Variants in SQOR observed in about 807,000 individuals in gnomAD.
SQOR encodes sulfide quinone oxidoreductase.
Under a neutral mutation model 48.6 loss-of-function variants are expected in SQOR, and 39 were observed. That is an observed-to-expected ratio of 0.80 (90% CI 0.62 to 1.05). SQOR has a LOEUF of 1.05. Among genes scored for constraint, SQOR ranks in the 50% least tolerant of loss-of-function variants. The pLI is 0.00. For synonymous variants in SQOR, 220 were observed against 206.2 expected (o/e 1.07, Z -0.57); for missense variants, 561 against 559.9 (o/e 1.00, Z -0.02).
chr15:45,663,643 T>G (rs1889760357), intron 3 of SQOR, among the ~76,000 whole-genome samples: 1 of 152,114 alleles, frequency 6.6e-6, no homozygotes, highest in Non-Finnish European at 1.5e-5. Context: ...TGGTGTGTGC[T>G]GTGGTTCCAG....
At chr15:45,689,941 TAAATTTCTCATCTGCA>T (rs1437085526) in intron 9 of SQOR, among the ~76,000 whole-genome samples, 1 of 152,134 alleles carries the variant, frequency 6.6e-6, no homozygotes, top group Non-Finnish European at 1.5e-5. Context: ...TCTTTGTGTT[TAAATTTCTCATCTGCA>T]AAATGAAAGT....
chr15:45,688,918 G>C, intron 8 of SQOR, 121 bp from the exon 9 acceptor site: 1 of 797,414 alleles, frequency 1.3e-6, no homozygotes, highest in East Asian at 2.6e-5. Flanking sequence ...AGTACAAAAA[G>C]CTAGAATATA....
rs771327815 is a variant in SQOR at position 45,659,092 on chromosome 15, A to G, written c.169A>G (p.Thr57Ala). ...GCTGGGTGGGGGCAGTGGCGGAATC[A>G]CCATGGCTGCCCGCATGAAGAGGAA... The part of the protein sequence containing the change: ...LVLGGGSGGI[T>A]MAARMKRKVG... Residue 57 changes from threonine to alanine, a missense_variant, in exon 2 of 10, where the codon ACC (threonine) becomes GCC (alanine). Thr to Ala is a moderately conservative substitution (Grantham distance 58, BLOSUM62 0). Coordinates refer to ENST00000260324, the MANE Select transcript of SQOR (RefSeq NM_021199.4). 1 of 1,587,388 alleles carries G rather than the reference A, an allele frequency of 6.3e-7. No homozygotes were observed. Among genetic ancestry groups the G allele is most frequent in the East Asian group, 2.3e-5 (1 of 43,962 alleles).
intron 9 of SQOR, 103 bp downstream of exon 9, chr15:45,689,320 G>T: frequency 8.6e-7 from 1 of 1,161,478 alleles, no homozygotes. Flanking sequence ...GTGACCAAGT[G>T]TTCTGTCTTC....
At chr15:45,680,877 C>T (rs1446167643) in intron 6 of SQOR, among the ~76,000 whole-genome samples, 2 of 152,056 alleles carry the variant, frequency 1.3e-5, no homozygotes, top group African/African-American at 4.8e-5. Context: ...ATTAACTCCA[C>T]CGAGATGACT....
upstream of SQOR, among the ~76,000 whole-genome samples, chr15:45,633,352 T>C (rs1284161858): frequency 6.6e-6 from 1 of 152,014 alleles, no homozygotes; most frequent in African/African-American, 2.4e-5. Flanking sequence ...AAGAAAAGAG[T>C]ATACTTTGTT....
chr15:45,634,323 C>A (rs916620028), upstream of SQOR, among the ~76,000 whole-genome samples: 1 of 150,708 alleles, frequency 6.6e-6, no homozygotes, highest in Non-Finnish European at 1.5e-5. Flanking sequence ...TTGCACTTCT[C>A]AGGTTATGAG....
Position 45,661,996 on chromosome 15 carries a change from T to C in SQOR, c.276T>C (p.Gly92=). 1 of 1,614,222 alleles carries C rather than the reference T, an allele frequency of 6.2e-7. No homozygotes were observed. The highest frequency in any genetic ancestry group is 8.5e-7 in the Non-Finnish European group (1 of 1,180,024). Residue 92 remains glycine, a synonymous_variant, in exon 3 of 10, where the codon GGT becomes GGC. Coordinates refer to ENST00000260324, the MANE Select transcript of SQOR (RefSeq NM_021199.4). ...CAATCTGGACACTGGTGGGTGCTGG[T>C]GCCAAACAATTGTCCTCATCTGGTC... is the stretch of plus-strand genomic sequence containing the variant. ...YQPIWTLVGA[G]AKQLSSSGRP...
At chr15:45,677,382 A>T (rs1447169608) in intron 6 of SQOR, among the ~76,000 whole-genome samples, 1 of 152,172 alleles carries the variant, frequency 6.6e-6, no homozygotes, top group Non-Finnish European at 1.5e-5. Context: ...TACCATTATC[A>T]ACTCAGGAAA....
intron 3 of SQOR, among the ~76,000 whole-genome samples, chr15:45,669,002 A>G (rs1889889536): frequency 6.6e-6 from 1 of 151,964 alleles, no homozygotes; most frequent in South Asian, 2.1e-4. Flanking sequence ...ATAGCCTTTC[A>G]ATGACCTTGA....
intron 1 of SQOR, among the ~76,000 whole-genome samples, chr15:45,648,455 C>A (rs900002304): frequency 5.3e-5 from 8 of 152,204 alleles, no homozygotes; most frequent in Non-Finnish European, 7.3e-5. Flanking sequence ...GGATTACAGG[C>A]GTGAGCCACC....
In SQOR at chr15:45,691,086, T is replaced by G; in HGVS notation, c.*56T>G. Reference sequence around the variant, plus strand: ...GCTTCTGGGCCAAAACTGCAGTCACTGAATGACCAAGAGCAGCACGAAGGA... The same window carrying G: ...GCTTCTGGGCCAAAACTGCAGTCACGGAATGACCAAGAGCAGCACGAAGGA... On this transcript the variant is annotated 3_prime_UTR_variant, in exon 10 of 10. Coordinates refer to ENST00000260324, the MANE Select transcript of SQOR (RefSeq NM_021199.4). 1 of 1,462,026 alleles carries G rather than the reference T, an allele frequency of 6.8e-7. No individual in the cohort carries two copies. 90.6% of individuals were successfully genotyped at this position (1,462,026 alleles called of 1,614,324 possible). A position where few individuals can be genotyped will look rare whatever the true frequency, so the allele number is the denominator to read the frequency against.
intron 1 of SQOR, among the ~76,000 whole-genome samples, chr15:45,646,379 G>A (rs1889342112): frequency 6.6e-6 from 1 of 152,178 alleles, no homozygotes; most frequent in Admixed American, 6.5e-5. Context: ...TGCTAGCTCT[G>A]GCCCTGCTGC....
At chr15:45,679,997 C>G (rs1284593826) in intron 6 of SQOR, among the ~76,000 whole-genome samples, 1 of 152,172 alleles carries the variant, frequency 6.6e-6, no homozygotes, top group Non-Finnish European at 1.5e-5. Flanking sequence ...GAAGGAGGAC[C>G]AAGTTATTTA....
At chr15:45,688,537 A>G (rs1292754895) in intron 8 of SQOR, 133 bp downstream of exon 8, 21 of 653,466 alleles carry the variant, frequency 3.2e-5, no homozygotes, top group Admixed American at 7.6e-5. Flanking sequence ...TTTGAGATGC[A>G]GTTTGCTCTT....
At position 45,635,089 on chromosome 15, in the gene SQOR, A is replaced by G. The variant is rs1020149661; in HGVS notation, c.-37A>G. 1 of 152,284 alleles carries G rather than the reference A, an allele frequency of 6.6e-6. No homozygotes were observed. The highest frequency in any genetic ancestry group is 1.5e-5 in the Non-Finnish European group (1 of 68,098). The allele number at this position is 152,284 out of a possible 1,614,324, so 9.4% of individuals were successfully genotyped here. ...TTTTGCTGCGCCAACGCAGTGACCGAAGGCTCCGCTCACGCCCGGGTAAGA... is the reference window on the plus strand; with the variant it reads ...TTTTGCTGCGCCAACGCAGTGACCGGAGGCTCCGCTCACGCCCGGGTAAGA... On this transcript the variant is annotated 5_prime_UTR_variant, in exon 1 of 10. Transcript: ENST00000260324.
At chr15:45,643,115 G>A (rs2140938064) in intron 1 of SQOR, among the ~76,000 whole-genome samples, 1 of 152,304 alleles carries the variant, frequency 6.6e-6, no homozygotes, top group East Asian at 1.9e-4. Flanking sequence ...AAAAGAGTGG[G>A]AGGGGGTCAG....
chr15:45,673,458 C>A (rs1889977641), intron 4 of SQOR, 149 bp from the exon 5 acceptor site: 2 of 834,680 alleles, frequency 2.4e-6, no homozygotes, highest in Admixed American at 2.6e-5. Flanking sequence ...GTCTTAGAAC[C>A]CTCACCCACC....
In SQOR at chr15:45,635,040, TGA is replaced by T. The variant is rs1437759452; in HGVS notation, c.-83_-82del. The T allele has an allele frequency of 6.6e-6, 1 of 152,212 alleles. No homozygotes were observed. The highest frequency in any genetic ancestry group is 1.5e-5 in the Non-Finnish European group (1 of 68,082). The allele number at this position is 152,212 out of a possible 1,614,324, so 9.4% of individuals were successfully genotyped here. On this transcript the variant is annotated 5_prime_UTR_variant, in exon 1 of 10. Coordinates refer to ENST00000260324, the MANE Select transcript of SQOR (RefSeq NM_021199.4). The stretch of plus-strand genomic sequence containing the variant: ...GCGGGCGGGGCCCCAGTCCAGGCCT[TGA>T]GACCCAGAAGGGAGCGAAGGTTTTT...
Sources: gnomAD v4.1 joint callset for allele counts (sites outside exome capture counted in the v4.1 genomes callset) on GRCh38, gnomAD v4.1.1 for gene constraint, MANE v1.5 for transcripts, NCBI Gene and HGNC (gene_info 2026-07-23, HGNC 2026-07-21) for gene names.